The following POLK variants were observed in gnomAD, a reference collection of about 807,000 sequenced individuals.
POLK encodes polymerase (DNA directed) kappa.
In POLK, 76 loss-of-function variants were observed where a neutral mutation model predicts 94.0. The ratio of observed to expected loss-of-function variants is 0.81; its 90% CI spans 0.67 to 0.98. The LOEUF (loss-of-function observed/expected upper bound fraction) is 0.98. Ranked by LOEUF, POLK falls within the 50% of genes least tolerant of loss-of-function variation. POLK has a pLI of 0.00. For missense variants in POLK, 954 were observed against 1,010.1 expected, an observed-to-expected ratio of 0.94 and a Z score of 0.75; for synonymous variants, 349 against 325.4, an observed-to-expected ratio of 1.07 and a Z score of -0.78.
chr5:75,511,420 G>C (rs1350864626), upstream of POLK: 1 of 1,544,200 alleles, frequency 6.5e-7, no homozygotes, highest in Non-Finnish European at 8.7e-7. Context: ...AGCGGTGAAG[G>C]AAGCCTACCC....
chr5:75,584,509 A>G (rs1376104407), intron 8 of POLK, among the ~76,000 whole-genome samples: 1 of 152,096 alleles, frequency 6.6e-6, no homozygotes, highest in African/African-American at 2.4e-5. Context: ...TCTCTACTAA[A>G]AATACAAAAT....
At chr5:75,511,253 TGCGCCGGAGGAGGCG>T, upstream of POLK, 1 of 1,603,918 alleles carries the variant, frequency 6.2e-7, no homozygotes, top group Non-Finnish European at 8.5e-7. Context: ...CTCCCTCAGC[TGCGCCGGAGGAGGCG>T]CCCAGTCCTC....
intron 3 of POLK, among the ~76,000 whole-genome samples, chr5:75,559,523 GTTTTTTTTTTTT>G (rs775525619): frequency 1.8e-5 from 1 of 54,678 alleles, no homozygotes; most frequent in Non-Finnish European, 3.4e-5. Flanking sequence ...GTTTTGTTTT[GTTTTTTTTTTTT>G]TTTTTTTTTT....
At chr5:75,568,049 G>T (rs536147223) in intron 3 of POLK, among the ~76,000 whole-genome samples, 16 of 152,272 alleles carry the variant, frequency 1.1e-4, no homozygotes, top group African/African-American at 3.9e-4. Context: ...AGGCAAAGCT[G>T]GAGTACAACA....
chr5:75,554,182 C>T (rs1770476048), intron 3 of POLK, among the ~76,000 whole-genome samples: 1 of 152,158 alleles, frequency 6.6e-6, no homozygotes, highest in African/African-American at 2.4e-5. Flanking sequence ...GAAGCTATAA[C>T]TTTAGCTGGG....
At chr5:75,514,188 T>C (rs1346872766) in intron 1 of POLK, among the ~76,000 whole-genome samples, 2 of 152,208 alleles carry the variant, frequency 1.3e-5, no homozygotes, top group African/African-American at 2.4e-5. Context: ...AAGTAAGATA[T>C]AAACCACTTC....
At chr5:75,542,953 C>T (rs995637203) in intron 1 of POLK, among the ~76,000 whole-genome samples, 3 of 151,102 alleles carry the variant, frequency 2.0e-5, no homozygotes, top group Non-Finnish European at 2.9e-5. Context: ...CCTCGTGATC[C>T]ACCCACCTCG....
intron 1 of POLK, among the ~76,000 whole-genome samples, chr5:75,528,389 T>G (rs1768973465): frequency 6.6e-6 from 1 of 152,160 alleles, no homozygotes; most frequent in African/African-American, 2.4e-5. Flanking sequence ...ATTATATTAA[T>G]GATCATTCTC....
chr5:75,521,768 CTT>C (rs58946110), intron 1 of POLK, among the ~76,000 whole-genome samples: 3,865 of 148,408 alleles, frequency 0.026, 146 homozygotes, highest in African/African-American at 0.085. Flanking sequence ...TGTTGAATTT[CTT>C]TTTTTTTTTC....
At chr5:75,567,903 G>C (rs1771362963) in intron 3 of POLK, among the ~76,000 whole-genome samples, 1 of 152,146 alleles carries the variant, frequency 6.6e-6, no homozygotes, top group Non-Finnish European at 1.5e-5. Flanking sequence ...AGATTTCACT[G>C]TACCTCCTGT....
At chr5:75,586,144 G>A (rs1772458812) in intron 9 of POLK, among the ~76,000 whole-genome samples, 1 of 152,044 alleles carries the variant, frequency 6.6e-6, no homozygotes, top group Non-Finnish European at 1.5e-5. Context: ...ATATTAACTT[G>A]TGGTATTTAG....
At chr5:75,511,681 C>G (rs531428706), upstream of POLK, 461 of 1,532,304 alleles carry the variant, frequency 3.0e-4, 1 homozygote, top group Admixed American at 3.4e-4. Context: ...CATTCTCCCC[C>G]ACTACTCCCC....
intron 1 of POLK, among the ~76,000 whole-genome samples, chr5:75,540,377 G>C (rs1177204739): frequency 6.6e-6 from 1 of 151,770 alleles, no homozygotes; most frequent in African/African-American, 2.4e-5. Context: ...CATAACCGTG[G>C]CTGACTGCGG....
chr5:75,529,913 T>C (rs1303675447), intron 1 of POLK, among the ~76,000 whole-genome samples: 2 of 152,174 alleles, frequency 1.3e-5, no homozygotes, highest in Admixed American at 6.5e-5. Flanking sequence ...GGAGATACAA[T>C]AGAACTATCA....
intron 4 of POLK, among the ~76,000 whole-genome samples, chr5:75,571,674 G>A (rs561807516): frequency 1.3e-5 from 2 of 152,212 alleles, no homozygotes; most frequent in African/African-American, 4.8e-5. Context: ...ATGGTTGCTG[G>A]ATTACAAAAA....
At chr5:75,559,343 A>G (rs1014754489) in intron 3 of POLK, among the ~76,000 whole-genome samples, 1 of 152,050 alleles carries the variant, frequency 6.6e-6, no homozygotes, top group Non-Finnish European at 1.5e-5. Context: ...TCCCAATCTC[A>G]GTGGACTTCT....
At position 75,540,347 on chromosome 5, in the gene POLK, TC is replaced by T. The variant is rs564061834; in HGVS notation, c.-13-6661del. Among the ~76,000 whole-genome samples, 15 of 152,004 alleles carry T rather than the reference TC, an allele frequency of 9.9e-5. No individual in the cohort carries two copies. The East Asian group carries it at 2.9e-3, about 30-fold the overall frequency. ...GTCTCTTAAAAACTCTTCTCTGTTG[TC>T]CAGGCTGGAGTGCAGTGGCATAACC... On this transcript the variant is annotated intron_variant, in intron 1 of 14. Coordinates refer to ENST00000241436, the Ensembl canonical transcript of POLK.
At chr5:75,559,531 T>TG (rs1309021419) in intron 3 of POLK, among the ~76,000 whole-genome samples, 9 of 132,410 alleles carry the variant, frequency 6.8e-5, no homozygotes, top group Non-Finnish European at 9.7e-5. Flanking sequence ...TTGTTTTTTT[T>TG]TTTTTTTTTT....
rs575075517 is a variant in POLK, at chr5:75,548,112, C to T, written c.135+955C>T. On this transcript the variant is annotated intron_variant, in intron 2 of 14. Coordinates refer to ENST00000241436, the Ensembl canonical transcript of POLK. ...TAACTTTTTATTTTTTGTAGAGAGG[C>T]GGTCTCACTGTGTTGCCCAGGCTAG... Among the ~76,000 whole-genome samples the T allele has an allele frequency of 1.8e-3, 279 of 152,082 alleles. 5 individuals are homozygous for T. Among genetic ancestry groups the T allele is most frequent in the African/African-American group, 6.0e-3 (248 of 41,518 alleles).
Sources: gnomAD v4.1 joint callset for allele counts (sites outside exome capture counted in the v4.1 genomes callset) on GRCh38, gnomAD v4.1.1 for gene constraint, MANE v1.5 for transcripts, NCBI Gene and HGNC (gene_info 2026-07-23, HGNC 2026-07-21) for gene names.